Variants in ANKRD42 observed in about 807,000 individuals in gnomAD.
The protein encoded by ANKRD42 is ankyrin repeat domain-containing protein 42.
A neutral mutation model predicts 51.5 loss-of-function variants in ANKRD42; 43 were observed. That is an observed-to-expected ratio of 0.83 (90% CI 0.65 to 1.08). ANKRD42 has a LOEUF of 1.08. Ranked by LOEUF, ANKRD42 falls within the 50% of genes least tolerant of loss-of-function variation. The probability of loss-of-function intolerance (pLI) is 0.00; values close to 1 mark genes in which losing one functional copy is unlikely to be tolerated. For synonymous variants in ANKRD42, 203 were observed against 213.0 expected, an observed-to-expected ratio of 0.95 and a Z score of 0.41; for missense variants, 608 against 629.3, an observed-to-expected ratio of 0.97 and a Z score of 0.36.
At chr11:83,245,448 C>G in intron 9 of ANKRD42, 50 bp from the exon 10 acceptor site, 1 of 1,519,906 alleles carries the variant, frequency 6.6e-7, no homozygotes, top group Non-Finnish European at 8.8e-7. Flanking sequence ...CCAGTGGACA[C>G]ATGAGCTGTT....
At position 83,194,528 on chromosome 11, in the gene ANKRD42, G is replaced by C. The variant is rs1565171290; in HGVS notation, c.-143G>C. The stretch of plus-strand genomic sequence containing the variant: ...CGCTGCAGCTTCTGGGAGAGAGCAA[G>C]AGAGGACCTTGGGCCCCGTCCTAGT... On this transcript the variant is annotated 5_prime_UTR_variant, in exon 1 of 11. Coordinates refer to ENST00000533342, the MANE Select transcript of ANKRD42 (RefSeq NM_001300975.2). 3.8e-6 allele frequency: 3 copies of C among 782,892 alleles called. No homozygotes were observed. In the South Asian group the frequency reaches 4.3e-5, roughly 11 times the overall value. 48.5% of individuals were successfully genotyped at this position (782,892 alleles called of 1,614,324 possible).
intron 8 of ANKRD42, among the ~76,000 whole-genome samples, chr11:83,238,160 A>G (rs1863277373): frequency 6.6e-6 from 1 of 152,240 alleles, no homozygotes; most frequent in African/African-American, 2.4e-5. Context: ...CTAACAGCTG[A>G]GTAGAATTCC....
At chr11:83,213,475 CA>C in intron 5 of ANKRD42, 1 of 1,373,674 alleles carries the variant, frequency 7.3e-7, no homozygotes, top group Non-Finnish European at 9.4e-7. Context: ...AAAACAACAA[CA>C]AAAAATTATT....
In ANKRD42 at chr11:83,223,207, GC is replaced by G. The variant is rs200586861; in HGVS notation, c.587-1646del. ...GGAGGTTTCAGTGAGCCAAGATTGC[GC>G]CACTGCACTCCAGCCTGTGCAACAG... On this transcript the variant is annotated intron_variant, in intron 5 of 10. Transcript: ENST00000533342. Among the ~76,000 whole-genome samples, 994 of 152,250 alleles carry G rather than the reference GC, an allele frequency of 6.5e-3. 13 individuals are homozygous for G. The highest frequency in any genetic ancestry group is 0.023 in the African/African-American group (945 of 41,540).
At chr11:83,256,036 G>T in exon 12 of ANKRD42, 1 of 792,778 alleles carries the variant, frequency 1.3e-6, no homozygotes, top group Non-Finnish European at 1.9e-6. Context: ...ACTCTGATAT[G>T]CTTCTGTTCC....
At chr11:83,243,986 T>A (rs1391125338) in intron 9 of ANKRD42, among the ~76,000 whole-genome samples, 5 of 133,654 alleles carry the variant, frequency 3.7e-5, no homozygotes, top group Admixed American at 7.4e-5. Flanking sequence ...TTTTTTTTTT[T>A]TTTTTTTTTT....
intron 8 of ANKRD42, among the ~76,000 whole-genome samples, chr11:83,239,091 C>A (rs1247500786): frequency 1.3e-5 from 2 of 152,006 alleles, no homozygotes; most frequent in East Asian, 3.9e-4. Context: ...TTGTCAGGGT[C>A]TTTTTTTAAT....
chr11:83,219,768 C>T (rs1862659058), intron 5 of ANKRD42, among the ~76,000 whole-genome samples: 1 of 152,210 alleles, frequency 6.6e-6, no homozygotes, highest in African/African-American at 2.4e-5. Context: ...GGAGGAAATG[C>T]CCTAAGACTT....
chr11:83,228,002 TC>T, intron 7 of ANKRD42, 130 bp downstream of exon 7: 1 of 1,019,082 alleles, frequency 9.8e-7, no homozygotes. Context: ...TATCAGTCTA[TC>T]TTGTATGGTA....
intron 5 of ANKRD42, among the ~76,000 whole-genome samples, chr11:83,222,222 TA>T (rs535655987): frequency 1.9e-3 from 282 of 152,296 alleles, no homozygotes; most frequent in African/African-American, 6.5e-3. Flanking sequence ...TTTTCTTTGA[TA>T]GAGCGTGAAA....
chr11:83,218,190 T>C (rs1449380294), intron 5 of ANKRD42, among the ~76,000 whole-genome samples: 1 of 152,198 alleles, frequency 6.6e-6, no homozygotes, highest in Non-Finnish European at 1.5e-5. Context: ...GTGGATAACA[T>C]TGCGTAGTTC....
chr11:83,231,005 T>C (rs570012060), intron 7 of ANKRD42, among the ~76,000 whole-genome samples: 1 of 152,366 alleles, frequency 6.6e-6, no homozygotes, highest in East Asian at 1.9e-4. Flanking sequence ...TTGTGAACAA[T>C]GCTGCAACAA....
intron 7 of ANKRD42, among the ~76,000 whole-genome samples, chr11:83,231,276 A>G (rs901796398): frequency 6.6e-6 from 1 of 152,040 alleles, no homozygotes; most frequent in Non-Finnish European, 1.5e-5. Context: ...ATGATATCTT[A>G]TTTGTACTTT....
At chr11:83,255,924 G>A (rs1316930498) in exon 12 of ANKRD42, 2 of 1,531,486 alleles carry the variant, frequency 1.3e-6, no homozygotes, top group Non-Finnish European at 8.7e-7. Flanking sequence ...GTGTTTGTGA[G>A]AAGGTACTAA....
downstream of ANKRD42, among the ~76,000 whole-genome samples, chr11:83,256,622 G>C (rs921224350): frequency 6.6e-6 from 1 of 152,100 alleles, no homozygotes; most frequent in Admixed American, 6.5e-5. Flanking sequence ...CAGCTGTGTA[G>C]CTCTTGTCTC....
chr11:83,195,200 T>C (rs901513884), intron 1 of ANKRD42, among the ~76,000 whole-genome samples: 23 of 152,352 alleles, frequency 1.5e-4, no homozygotes, highest in African/African-American at 5.3e-4. Context: ...TTACTGTGAC[T>C]TCAGTCCTAC....
intron 7 of ANKRD42, among the ~76,000 whole-genome samples, chr11:83,230,207 A>G (rs1192130793): frequency 1.3e-5 from 2 of 152,166 alleles, no homozygotes; most frequent in South Asian, 2.1e-4. Context: ...ACATGCTACT[A>G]TGCCTGGCTA....
At chr11:83,216,820 C>T (rs1259155262) in intron 5 of ANKRD42, among the ~76,000 whole-genome samples, 1 of 152,186 alleles carries the variant, frequency 6.6e-6, no homozygotes, top group African/African-American at 2.4e-5. Flanking sequence ...CTTTCTGAGC[C>T]ACTACTTGAC....
At chr11:83,255,968 T>C (rs1565201412) in exon 12 of ANKRD42, 1 of 1,450,482 alleles carries the variant, frequency 6.9e-7, no homozygotes, top group African/African-American at 1.4e-5. Context: ...TGCTAGATTT[T>C]TCTCTTTCAT....
Sources: gnomAD v4.1 joint callset for allele counts (sites outside exome capture counted in the v4.1 genomes callset) on GRCh38, gnomAD v4.1.1 for gene constraint, MANE v1.5 for transcripts, NCBI Gene and HGNC (gene_info 2026-07-23, HGNC 2026-07-21) for gene names.